The following PALD1 variants were observed in gnomAD, a reference collection of about 807,000 sequenced individuals.
PALD1 encodes paladin.
In PALD1, 57 loss-of-function variants were observed where a neutral mutation model predicts 96.0. The observed-to-expected ratio is 0.59, with a 90% CI of 0.48 to 0.74. The LOEUF (loss-of-function observed/expected upper bound fraction) is 0.74, where lower values mean the gene tolerates loss of function less well. Ranked by LOEUF, PALD1 falls within the 30% of genes least tolerant of loss-of-function variation. The probability of loss-of-function intolerance (pLI) is 0.00; values close to 1 mark genes in which losing one functional copy is unlikely to be tolerated. For synonymous variants in PALD1, 464 were observed against 473.6 expected, an observed-to-expected ratio of 0.98 and a Z score of 0.26; for missense variants, 1,063 against 1,143.7, an observed-to-expected ratio of 0.93 and a Z score of 1.02.
In PALD1 at chr10:70,566,566, C is replaced by G; in HGVS notation, c.2419-15C>G. 5.0e-6 allele frequency: 8 copies of G among 1,597,196 alleles called. No individual in the cohort carries two copies. The highest frequency in any genetic ancestry group is 6.0e-6 in the Non-Finnish European group (7 of 1,171,632). On this transcript the variant is annotated splice_polypyrimidine_tract_variant and intron_variant, in intron 19 of 19. Transcript: ENST00000263563. ...CTCCCCTGAAACACTGCTCCTGCCT[C>G]TGCTCTCCTCCCAGGTGGCATCGAA...
chr10:70,468,198 C>T, the PALD1 span, among the ~76,000 whole-genome samples: 7 of 152,054 alleles, frequency 4.6e-5, no homozygotes, highest in African/African-American at 9.7e-5. Context: ...TTCCCTCTGT[C>T]GGAGTAGTTG....
intron 1 of PALD1, among the ~76,000 whole-genome samples, chr10:70,487,553 A>G (rs566145107): frequency 4.6e-5 from 7 of 152,090 alleles, no homozygotes; most frequent in African/African-American, 1.2e-4. Context: ...AAAGCCCACA[A>G]TTTAGAGGCA....
chr10:70,463,273 A>G, the PALD1 span, among the ~76,000 whole-genome samples: 21 of 152,284 alleles, frequency 1.4e-4, no homozygotes, highest in South Asian at 1.9e-3. Context: ...GCATGGTGGC[A>G]GGTGCCTGTA....
chr10:70,509,536 A>G (rs1329064121), intron 1 of PALD1, among the ~76,000 whole-genome samples: 1 of 152,198 alleles, frequency 6.6e-6, no homozygotes, highest in African/African-American at 2.4e-5. Flanking sequence ...TGTACTTAGG[A>G]AACACCAGGC....
intron 17 of PALD1, among the ~76,000 whole-genome samples, chr10:70,544,156 G>T (rs1847313703): frequency 2.0e-5 from 3 of 152,230 alleles, no homozygotes; most frequent in Admixed American, 2.0e-4. Context: ...CAAGAGTGCA[G>T]CTGAGGGAGC....
At chr10:70,507,864 T>A (rs567826369) in intron 1 of PALD1, among the ~76,000 whole-genome samples, 2 of 152,168 alleles carry the variant, frequency 1.3e-5, no homozygotes, top group African/African-American at 4.8e-5. Context: ...TTTAAAAAAA[T>A]TTTCCCTGTT....
intron 1 of PALD1, among the ~76,000 whole-genome samples, chr10:70,481,659 C>A (rs1359227793): frequency 6.6e-6 from 1 of 152,204 alleles, no homozygotes; most frequent in East Asian, 1.9e-4. Context: ...GATTCTCCTT[C>A]TGAACCCAAG....
chr10:70,526,364 G>A (rs1466354923), intron 2 of PALD1, among the ~76,000 whole-genome samples: 6 of 151,684 alleles, frequency 4.0e-5, no homozygotes, highest in Non-Finnish European at 8.8e-5. Context: ...TACTCACCAC[G>A]TCCACAGTGT....
the PALD1 span, among the ~76,000 whole-genome samples, chr10:70,468,628 C>T: frequency 2.6e-5 from 4 of 152,020 alleles, no homozygotes; most frequent in Non-Finnish European, 2.9e-5. Context: ...ACAAGGAGCC[C>T]CTGCCCAGGA....
intron 5 of PALD1, among the ~76,000 whole-genome samples, chr10:70,531,716 G>T (rs1846996116): frequency 6.6e-6 from 1 of 152,142 alleles, no homozygotes; most frequent in Non-Finnish European, 1.5e-5. Flanking sequence ...GGTCTGGTGG[G>T]CCGGGTGCAG....
chr10:70,514,769 T>G (rs1201451932), intron 1 of PALD1, among the ~76,000 whole-genome samples: 2 of 151,844 alleles, frequency 1.3e-5, no homozygotes, highest in East Asian at 1.9e-4. Context: ...GTGGGCAGAG[T>G]GCGCCTGGGC....
chr10:70,510,849 T>C (rs1162939483), intron 1 of PALD1, among the ~76,000 whole-genome samples: 1 of 152,228 alleles, frequency 6.6e-6, no homozygotes, highest in Non-Finnish European at 1.5e-5. Flanking sequence ...TCTCTGCAGC[T>C]GACTCAGGGA....
At chr10:70,471,975 A>T in the PALD1 span, among the ~76,000 whole-genome samples, 3 of 152,130 alleles carry the variant, frequency 2.0e-5, no homozygotes, top group African/African-American at 7.2e-5. Context: ...CCGAAGCTTC[A>T]CAGAGTCTGG....
intron 1 of PALD1, among the ~76,000 whole-genome samples, chr10:70,515,134 ACT>A (rs1476602141): frequency 1.3e-5 from 2 of 152,018 alleles, no homozygotes; most frequent in South Asian, 4.2e-4. Context: ...TGATGGAGAG[ACT>A]CTGCCCTGCC....
At chr10:70,561,159 C>T (rs1243512506) in intron 18 of PALD1, among the ~76,000 whole-genome samples, 1 of 152,226 alleles carries the variant, frequency 6.6e-6, no homozygotes, top group Non-Finnish European at 1.5e-5. Flanking sequence ...CTTTCTCAGA[C>T]CTAATCCTTA....
chr10:70,516,716 G>A (rs1846626433), intron 1 of PALD1, among the ~76,000 whole-genome samples: 1 of 151,672 alleles, frequency 6.6e-6, no homozygotes, highest in African/African-American at 2.4e-5. Flanking sequence ...ACCACACCTG[G>A]CCATTTTTTT....
At chr10:70,500,951 C>T (rs1846281847) in intron 1 of PALD1, among the ~76,000 whole-genome samples, 1 of 152,202 alleles carries the variant, frequency 6.6e-6, no homozygotes, top group Admixed American at 6.5e-5. Flanking sequence ...TCCTCCTTGG[C>T]CTCTGTATGC....
At chr10:70,492,493 GTC>G (rs1846117488) in intron 1 of PALD1, among the ~76,000 whole-genome samples, 1 of 111,156 alleles carries the variant, frequency 9.0e-6, no homozygotes. Flanking sequence ...GTCTTGCTCT[GTC>G]ACCCAGGCTG....
At chr10:70,541,357 G>T in intron 16 of PALD1, 106 bp from the exon 17 acceptor site, 1 of 1,520,856 alleles carries the variant, frequency 6.6e-7, no homozygotes, top group Non-Finnish European at 9.1e-7. Context: ...GCCGGGTGTG[G>T]TCCCAGAGCC....
Sources: gnomAD v4.1 joint callset for allele counts (sites outside exome capture counted in the v4.1 genomes callset) on GRCh38, gnomAD v4.1.1 for gene constraint, MANE v1.5 for transcripts, NCBI Gene and HGNC (gene_info 2026-07-23, HGNC 2026-07-21) for gene names.